Variants in CPNE8 observed in about 807,000 individuals in gnomAD.
CPNE8 encodes copine-8.
In CPNE8, 45 loss-of-function variants were observed where a neutral mutation model predicts 81.5. The ratio of observed to expected loss-of-function variants is 0.55; its 90% CI spans 0.44 to 0.71. The LOEUF is 0.71. Ranked by LOEUF, CPNE8 falls within the 30% of genes least tolerant of loss-of-function variation. The pLI is 0.00. For missense variants in CPNE8, 594 were observed against 672.1 expected (o/e 0.88, Z 1.28); for synonymous variants, 252 against 226.3 (o/e 1.11, Z -1.02).
intron 6 of CPNE8, among the ~76,000 whole-genome samples, chr12:38,787,017 G>C (rs1050366386): frequency 1.3e-5 from 2 of 152,078 alleles, no homozygotes; most frequent in Non-Finnish European, 2.9e-5. Context: ...CTGAAGACTT[G>C]AACATCCCAT....
At chr12:38,840,789 G>C (rs915011253) in intron 4 of CPNE8, among the ~76,000 whole-genome samples, 9 of 152,142 alleles carry the variant, frequency 5.9e-5, no homozygotes, top group African/African-American at 1.9e-4. Flanking sequence ...AAATTAATCA[G>C]TTCTTGGAAA....
At chr12:38,673,765 A>G (rs189024298) in intron 18 of CPNE8, among the ~76,000 whole-genome samples, 1,977 of 152,138 alleles carry the variant, frequency 0.013, 29 homozygotes, top group South Asian at 0.044. Context: ...CTGCATGGAA[A>G]GAGGAATAGG....
intron 13 of CPNE8, among the ~76,000 whole-genome samples, chr12:38,712,765 G>A (rs1253996846): frequency 3.3e-5 from 5 of 152,046 alleles, no homozygotes; most frequent in Admixed American, 1.3e-4. Flanking sequence ...GGGTTGGAGC[G>A]AACAGGACTG....
At chr12:38,808,828 C>T (rs919536230) in intron 6 of CPNE8, among the ~76,000 whole-genome samples, 8 of 151,516 alleles carry the variant, frequency 5.3e-5, no homozygotes, top group African/African-American at 1.9e-4. Context: ...TGGCAAACCA[C>T]CTCACAGGAA....
rs142567796 is a variant in CPNE8 at position 38,827,288 on chromosome 12, T to C, written c.407+2091A>G. Among the ~76,000 whole-genome samples, 309 of 151,888 alleles carry C rather than the reference T, an allele frequency of 2.0e-3. 3 individuals carry two copies. Among genetic ancestry groups the C allele is most frequent in the African/African-American group, 7.3e-3 (303 of 41,426 alleles). On this transcript the variant is annotated intron_variant, in intron 6 of 19. Coordinates refer to ENST00000331366, the MANE Select transcript of CPNE8 (RefSeq NM_153634.3). ...ATAATGAGATATCATCTTAGAACAG[T>C]CAGAGTGGCTATTACTAAAAAGTCA...
intron 3 of CPNE8, among the ~76,000 whole-genome samples, chr12:38,851,291 C>T (rs1943642501): frequency 6.6e-6 from 1 of 152,148 alleles, no homozygotes; most frequent in Admixed American, 6.5e-5. Context: ...CATACAACTG[C>T]TTTTTTAACT....
chr12:38,856,886 A>T (rs1282274729), intron 3 of CPNE8, among the ~76,000 whole-genome samples: 1 of 152,070 alleles, frequency 6.6e-6, no homozygotes, highest in African/African-American at 2.4e-5. Context: ...TCTTTATTTA[A>T]AACTTTAGAT....
intron 6 of CPNE8, among the ~76,000 whole-genome samples, chr12:38,787,419 A>G (rs1420230551): frequency 2.6e-5 from 4 of 151,750 alleles, no homozygotes; most frequent in Non-Finnish European, 5.9e-5. Context: ...AGGGAAGCAC[A>G]ACATATCAAA....
At chr12:38,738,539 A>G (rs574741508) in intron 10 of CPNE8, among the ~76,000 whole-genome samples, 9 of 152,310 alleles carry the variant, frequency 5.9e-5, no homozygotes, top group Non-Finnish European at 1.2e-4. Context: ...AAAAATGTAC[A>G]TTATGAAATT....
At chr12:38,702,978 T>C in intron 13 of CPNE8, 57 bp from the exon 14 acceptor site, 1 of 1,195,486 alleles carries the variant, frequency 8.4e-7, no homozygotes, top group Non-Finnish European at 1.2e-6. Flanking sequence ...AAAAGGAGTT[T>C]CTTTTCCATT....
chr12:38,803,423 T>C (rs1264437183), intron 6 of CPNE8, among the ~76,000 whole-genome samples: 3 of 150,318 alleles, frequency 2.0e-5, no homozygotes, highest in Non-Finnish European at 3.0e-5. Flanking sequence ...ATTATCTCAA[T>C]AGATGCAGAA....
chr12:38,881,712 C>T (rs1944161175), intron 1 of CPNE8, among the ~76,000 whole-genome samples: 1 of 152,140 alleles, frequency 6.6e-6, no homozygotes, highest in Non-Finnish European at 1.5e-5. Context: ...TTGGAAACTA[C>T]TTAAAAAGAA....
rs12307805 is a variant in CPNE8, at chr12:38,812,500, T to A, written c.407+16879A>T. The stretch of plus-strand genomic sequence containing the variant: ...AAGGAAAAGCCCCTTATAAAAACCA[T>A]CAGATCTCGTGAAAACTCACTATCA... On this transcript the variant is annotated intron_variant, in intron 6 of 19. Transcript: ENST00000331366. Among the ~76,000 whole-genome samples the A allele has an allele frequency of 5.3e-3, 805 of 152,160 alleles. 8 individuals are homozygous for A. The highest frequency in any genetic ancestry group is 0.019 in the African/African-American group (775 of 41,526).
chr12:38,883,861 GTC>G (rs1379330367), intron 1 of CPNE8, among the ~76,000 whole-genome samples: 2 of 152,176 alleles, frequency 1.3e-5, no homozygotes, highest in African/African-American at 2.4e-5. Context: ...TGTTGACAGT[GTC>G]TAACTTTCTG....
chr12:38,860,221 T>A (rs12427196), intron 3 of CPNE8, among the ~76,000 whole-genome samples: 12,275 of 150,722 alleles, frequency 0.081, 643 homozygotes, highest in East Asian at 0.28. Flanking sequence ...ATAACTGAAT[T>A]TAAAAATAGG....
In CPNE8 at chr12:38,652,343, G is replaced by A. The variant is rs186457434; in HGVS notation, c.*1539C>T. 0.013 allele frequency: 1,989 copies of A among 152,386 alleles called. 30 individuals carry two copies. The highest frequency in any genetic ancestry group is 0.044 in the South Asian group (212 of 4,812). The allele number at this position is 152,386 out of a possible 1,614,324, so 9.4% of individuals were successfully genotyped here. On this transcript the variant is annotated 3_prime_UTR_variant, in exon 20 of 20. Transcript: ENST00000331366. ...AACTATTGTCATTCATACATGAAAC[G>A]TACAAAGCAAATAGTTATGATTTAA...
chr12:38,735,332 T>C (rs536171335), intron 10 of CPNE8, among the ~76,000 whole-genome samples: 3 of 152,150 alleles, frequency 2.0e-5, no homozygotes, highest in South Asian at 2.1e-4. Flanking sequence ...ATTTTTACTG[T>C]TTAAACAGTA....
chr12:38,759,996 C>T (rs886673131), intron 10 of CPNE8, among the ~76,000 whole-genome samples: 1 of 152,280 alleles, frequency 6.6e-6, no homozygotes, highest in Non-Finnish European at 1.5e-5. Flanking sequence ...GGCTTGTACA[C>T]AATGCAGAGA....
chr12:38,905,712 G>T (rs1338171888), upstream of CPNE8: 6 of 1,442,454 alleles, frequency 4.2e-6, no homozygotes. Flanking sequence ...AGAGCCACGA[G>T]GGAACCGCTA....
Sources: gnomAD v4.1 joint callset for allele counts (sites outside exome capture counted in the v4.1 genomes callset) on GRCh38, gnomAD v4.1.1 for gene constraint, MANE v1.5 for transcripts, NCBI Gene and HGNC (gene_info 2026-07-23, HGNC 2026-07-21) for gene names.